LAMA4: variants seen among roughly 807,000 people sequenced by gnomAD.
LAMA4 encodes the protein laminin subunit alpha-4.
A neutral mutation model predicts 207.1 loss-of-function variants in LAMA4; 127 were observed. The ratio of observed to expected loss-of-function variants is 0.61; its 90% CI spans 0.53 to 0.71. The LOEUF (loss-of-function observed/expected upper bound fraction) is 0.71. Ranked by LOEUF, LAMA4 falls within the 30% of genes least tolerant of loss-of-function variation. The pLI is 0.00. For synonymous variants in LAMA4, 761 were observed against 816.0 expected (o/e 0.93, Z 1.15); for missense variants, 2,093 against 2,246.5 (o/e 0.93, Z 1.38).
intron 6 of LAMA4, among the ~76,000 whole-genome samples, chr6:112,190,916 TTTCTTTCTTTCTTTCTTTC>T (rs1783012223): frequency 2.0e-5 from 2 of 100,138 alleles, no homozygotes; most frequent in Admixed American, 1.1e-4. Context: ...TCTTTCTTTC[TTTCTTTCTTTCTTTCTTTC>T]TTTCTTTCTT....
chr6:112,225,798 C>T (rs1466703989), intron 2 of LAMA4, among the ~76,000 whole-genome samples: 1 of 152,158 alleles, frequency 6.6e-6, no homozygotes, highest in Non-Finnish European at 1.5e-5. Context: ...CAACAGTAAC[C>T]ACAGCAACTG....
intron 8 of LAMA4, 104 bp from the exon 9 acceptor site, chr6:112,185,451 C>A: frequency 2.6e-6 from 2 of 755,930 alleles, no homozygotes; most frequent in Non-Finnish European, 4.7e-6. Context: ...GAGTGTGAGG[C>A]TCTTTTCTCA....
intron 9 of LAMA4, among the ~76,000 whole-genome samples, chr6:112,183,950 CAAAAAAAA>C (rs782424211): frequency 3.7e-5 from 3 of 81,736 alleles, no homozygotes; most frequent in East Asian, 6.6e-4. Context: ...GACTCCATCT[CAAAAAAAA>C]AAAAAAAAAA....
intron 15 of LAMA4, 96 bp downstream of exon 15, chr6:112,155,469 A>T: frequency 7.2e-7 from 1 of 1,385,122 alleles, no homozygotes; most frequent in Non-Finnish European, 1.0e-6. Flanking sequence ...TCTTTCTGCC[A>T]TTTGGATTTC....
chr6:112,125,758 T>C (rs1778652560), intron 31 of LAMA4, among the ~76,000 whole-genome samples: 1 of 152,192 alleles, frequency 6.6e-6, no homozygotes, highest in Non-Finnish European at 1.5e-5. Context: ...CAAAGATCTT[T>C]GGCTATAAAA....
chr6:112,179,034 A>T (rs1394591011), intron 9 of LAMA4: 2 of 152,220 alleles, frequency 1.3e-5, no homozygotes, highest in African/African-American at 4.8e-5. Context: ...CACTGGCCTA[A>T]CATGCTGTTT....
chr6:112,225,233 C>T (rs1323417705), intron 2 of LAMA4, among the ~76,000 whole-genome samples: 1 of 152,154 alleles, frequency 6.6e-6, no homozygotes, highest in African/African-American at 2.4e-5. Flanking sequence ...AGCCCATCTC[C>T]AATTTTATAG....
At chr6:112,206,630 C>T (rs910164356) in intron 4 of LAMA4, among the ~76,000 whole-genome samples, 2 of 152,120 alleles carry the variant, frequency 1.3e-5, no homozygotes, top group Admixed American at 6.5e-5. Flanking sequence ...GGAAATGTTT[C>T]CTTTGTGAAA....
chr6:112,190,947 C>CTTTTCTTTCTTT (rs1491586717), intron 6 of LAMA4, among the ~76,000 whole-genome samples: 1 of 40,472 alleles, frequency 2.5e-5, no homozygotes, highest in Non-Finnish European at 4.7e-5. Flanking sequence ...TTCTTTCTTT[C>CTTTTCTTTCTTT]CTTTCTTTCT....
At chr6:112,158,998 A>T (rs1780892019) in intron 13 of LAMA4, 118 bp from the exon 14 acceptor site, 1 of 722,696 alleles carries the variant, frequency 1.4e-6, no homozygotes, top group African/African-American at 1.8e-5. Context: ...ATTTCAGTGC[A>T]GGACCACATA....
At chr6:112,109,928 A>G (rs1216342186) in intron 38 of LAMA4, among the ~76,000 whole-genome samples, 3 of 152,330 alleles carry the variant, frequency 2.0e-5, no homozygotes, top group African/African-American at 7.2e-5. Flanking sequence ...GGCCTCACTT[A>G]TAATGTGTAC....
chr6:112,150,636 G>A lies in LAMA4; in HGVS notation c.2057-9C>T, dbSNP rs1411818228. The A allele has an allele frequency of 6.2e-7, 1 of 1,601,462 alleles. No homozygotes were observed. Among genetic ancestry groups the A allele is most frequent in the Non-Finnish European group, 8.6e-7 (1 of 1,168,604 alleles). On this transcript the variant is annotated splice_polypyrimidine_tract_variant and intron_variant, in intron 16 of 38. Transcript: ENST00000230538. Reference sequence around the variant, plus strand: ...CACTGCTTCATCACTGCCTGTGGAAGAGCAGCAGAAAGAAGTACTAGTGGA... The same window carrying A: ...CACTGCTTCATCACTGCCTGTGGAAAAGCAGCAGAAAGAAGTACTAGTGGA...
At position 112,129,062 on chromosome 6, in the gene LAMA4, CA is replaced by C. The variant is rs1554328663; in HGVS notation, c.4146del (p.Asp1382GlufsTer63). The C allele has an allele frequency of 6.2e-7, 1 of 1,611,612 alleles. No individual in the cohort carries two copies. The highest frequency in any genetic ancestry group is 2.2e-5 in the East Asian group (1 of 44,816). On this transcript the variant is annotated frameshift_variant, in exon 31 of 39. Transcript: ENST00000230538. LOFTEE classifies it high-confidence loss of function. ...TACCGTTGGAAATCTTCAACCTCCA[CA>C]TCTCTATCCACCCTGTGTTTGTAAC... ...SNAYFTRVDR[D>X]VEVEDFQRYT...
chr6:112,134,328 C>T lies in LAMA4; in HGVS notation c.3557+139G>A, dbSNP rs182614948. 951 of 776,364 alleles carry T rather than the reference C, an allele frequency of 1.2e-3. 13 individuals are homozygous for T. The Admixed American group carries it at 0.018, about 15-fold the overall frequency. The allele number at this position is 776,364 out of a possible 1,614,324, so 48.1% of individuals were successfully genotyped here. ...ACTGACTGCAGAGGGCCTGAAGGTA[C>T]ATGAATGTGTGTACCTGTGCCTGTC... On this transcript the variant is annotated intron_variant, in intron 26 of 38. Transcript: ENST00000230538.
rs141126410 is a variant in LAMA4, at chr6:112,227,446, A to T, written c.196-10977T>A. Reference sequence around the variant, plus strand: ...AATGAAAGAAAGAGGAAAAGGAGCAAATGAGGAAAGAAAAAGAAAAGAAAG... The same window carrying T: ...AATGAAAGAAAGAGGAAAAGGAGCATATGAGGAAAGAAAAAGAAAAGAAAG... On this transcript the variant is annotated intron_variant, in intron 2 of 38. Transcript: ENST00000230538. Among the ~76,000 whole-genome samples the T allele has an allele frequency of 8.6e-3, 1,314 of 152,296 alleles. 18 individuals are homozygous for T. Among genetic ancestry groups the T allele is most frequent in the African/African-American group, 0.03 (1,262 of 41,568 alleles).
chr6:112,239,501 C>T (rs1029710112), intron 2 of LAMA4, among the ~76,000 whole-genome samples: 2 of 152,082 alleles, frequency 1.3e-5, no homozygotes, highest in Non-Finnish European at 1.5e-5. Context: ...GAGATGCCTG[C>T]ACATTAAAAG....
chr6:112,197,237 G>A (rs1342687628), intron 5 of LAMA4, among the ~76,000 whole-genome samples: 1 of 152,110 alleles, frequency 6.6e-6, no homozygotes, highest in Non-Finnish European at 1.5e-5. Flanking sequence ...TGTCCAACAC[G>A]GGGAGTTTAA....
Position 112,186,596 on chromosome 6 carries a change from C to T in LAMA4, c.966+854G>A, listed in dbSNP as rs186202485. ...CGTGGGGATGCTCCAGTTCCTGATA[C>T]AAAATGGCCTAGTATTTGCAGATAA... On this transcript the variant is annotated intron_variant, in intron 8 of 38. Coordinates refer to ENST00000230538, the MANE Select transcript of LAMA4 (RefSeq NM_001105206.3). Among the ~76,000 whole-genome samples the T allele has an allele frequency of 2.3e-3, 357 of 152,298 alleles. 2 individuals carry two copies. The highest frequency in any genetic ancestry group is 4.2e-3 in the Non-Finnish European group (287 of 68,012).
chr6:112,185,413 CTCTT>C, intron 8 of LAMA4, 66 bp from the exon 9 acceptor site: 1 of 941,826 alleles, frequency 1.1e-6, no homozygotes, highest in Non-Finnish European at 1.8e-6. Flanking sequence ...GTACATAAAA[CTCTT>C]TCAGTGTAAG....
Sources: allele counts gnomAD v4.1 joint callset (sites outside exome capture counted in the v4.1 genomes callset), GRCh38; gene constraint gnomAD v4.1.1; transcripts MANE v1.5; gene names NCBI Gene and HGNC (gene_info 2026-07-23, HGNC 2026-07-21).